MYO5B: variants seen among roughly 807,000 people sequenced by gnomAD.
MYO5B encodes unconventional myosin-Vb.
Under a neutral mutation model 229.3 loss-of-function variants are expected in MYO5B, and 143 were observed. That is an observed-to-expected ratio of 0.62 (90% CI 0.54 to 0.72). The LOEUF (loss-of-function observed/expected upper bound fraction) is 0.72, where lower values mean the gene tolerates loss of function less well. Among genes scored for constraint, MYO5B ranks in the 30% least tolerant of loss-of-function variants. The pLI, the probability that MYO5B is intolerant of heterozygous loss-of-function variation, is 0.00. For missense variants in MYO5B, 2,321 were observed against 2,331.0 expected, an observed-to-expected ratio of 1.00 and a Z score of 0.09; for synonymous variants, 918 against 885.2, an observed-to-expected ratio of 1.04 and a Z score of -0.66.
At chr18:49,974,798 GACACACAC>G (rs10680505) in intron 9 of MYO5B, among the ~76,000 whole-genome samples, 183 bp from the exon 10 acceptor site, 1 of 130,996 alleles carries the variant, frequency 7.6e-6, no homozygotes, top group African/African-American at 2.8e-5. Context: ...CACACACACA[GACACACAC>G]ACACACACAC....
At chr18:49,915,559 C>T (rs1017144507) in intron 17 of MYO5B, among the ~76,000 whole-genome samples, 5 of 152,204 alleles carry the variant, frequency 3.3e-5, no homozygotes, top group South Asian at 2.1e-4. Flanking sequence ...CTTTACTCAC[C>T]GAGCAGAAAC....
chr18:50,184,778 C>A lies in MYO5B; in HGVS notation c.27+9989G>T, dbSNP rs113322254. ...AGTGGACTGGGTGCTGTGACTCATG[C>A]CTATAATCCCAGCACTTTGGGAGGC... On this transcript the variant is annotated intron_variant, in intron 1 of 39. Coordinates refer to ENST00000285039, the MANE Select transcript of MYO5B (RefSeq NM_001080467.3). 4.5e-3 allele frequency among the ~76,000 whole-genome samples: 691 copies of A among 152,144 alleles called. 8 individuals are homozygous for A. Among genetic ancestry groups the A allele is most frequent in the African/African-American group, 0.015 (641 of 41,510 alleles).
chr18:50,081,462 G>C (rs954483699), intron 1 of MYO5B, among the ~76,000 whole-genome samples: 1 of 152,192 alleles, frequency 6.6e-6, no homozygotes, highest in Non-Finnish European at 1.5e-5. Flanking sequence ...ACCAGCTACT[G>C]TAAAGGTGGT....
chr18:49,890,648 G>A (rs144922528), intron 22 of MYO5B, among the ~76,000 whole-genome samples: 38 of 152,248 alleles, frequency 2.5e-4, no homozygotes, highest in South Asian at 1.0e-3. Context: ...AAGACCCAGC[G>A]CAAGGTTTCT....
At chr18:50,159,898 G>A (rs1199439380) in intron 1 of MYO5B, among the ~76,000 whole-genome samples, 1 of 152,218 alleles carries the variant, frequency 6.6e-6, no homozygotes, top group African/African-American at 2.4e-5. Flanking sequence ...TCAGATGGCA[G>A]GAACCCTGCT....
At chr18:50,095,195 G>T (rs61154515) in intron 1 of MYO5B, among the ~76,000 whole-genome samples, 22,163 of 152,156 alleles carry the variant, frequency 0.15, 1,695 homozygotes, top group East Asian at 0.23. Context: ...GATCTTGAGT[G>T]CAACCATTTC....
intron 1 of MYO5B, among the ~76,000 whole-genome samples, chr18:50,070,339 T>C (rs771866554): frequency 1.1e-4 from 17 of 152,126 alleles, no homozygotes; most frequent in Non-Finnish European, 2.4e-4. Flanking sequence ...TTACTCTTAA[T>C]TGGTCTTCCT....
chr18:49,954,750 C>A (rs1437810994), intron 12 of MYO5B, among the ~76,000 whole-genome samples: 3 of 152,280 alleles, frequency 2.0e-5, no homozygotes, highest in Admixed American at 2.0e-4. Context: ...TCACAGCCTG[C>A]AGGACCACCT....
chr18:49,881,795 C>T (rs1054237860), intron 22 of MYO5B, among the ~76,000 whole-genome samples: 2 of 63,496 alleles, frequency 3.1e-5, no homozygotes, highest in African/African-American at 7.1e-5. Flanking sequence ...AGTGAGACTC[C>T]GTCTCAAAAA....
intron 4 of MYO5B, among the ~76,000 whole-genome samples, chr18:50,019,391 C>T (rs373967471): frequency 5.3e-5 from 8 of 152,322 alleles, no homozygotes; most frequent in African/African-American, 1.9e-4. Flanking sequence ...CCAATCACAC[C>T]TGTGCTGCTC....
At chr18:50,064,968 C>T (rs901215236) in intron 1 of MYO5B, among the ~76,000 whole-genome samples, 4 of 152,250 alleles carry the variant, frequency 2.6e-5, no homozygotes, top group Middle Eastern at 3.4e-3. Flanking sequence ...GGAAACTGCA[C>T]CTTGTATTTG....
At chr18:49,953,085 T>C (rs1345148535) in intron 14 of MYO5B, among the ~76,000 whole-genome samples, 175 bp downstream of exon 14, 2 of 152,270 alleles carry the variant, frequency 1.3e-5, no homozygotes, top group East Asian at 1.9e-4. Flanking sequence ...ATTGGACACA[T>C]TCACAGTGGT....
intron 1 of MYO5B, among the ~76,000 whole-genome samples, chr18:50,106,326 T>C (rs888148761): frequency 6.6e-6 from 1 of 152,196 alleles, no homozygotes; most frequent in Admixed American, 6.5e-5. Context: ...CAAAGTGATA[T>C]TTCAAAAATG....
intron 1 of MYO5B, among the ~76,000 whole-genome samples, chr18:50,115,437 A>C (rs2144522688): frequency 6.6e-6 from 1 of 152,174 alleles, no homozygotes; most frequent in South Asian, 2.1e-4. Context: ...TGCATTCCTC[A>C]CTTACCAAAT....
chr18:49,995,964 T>G (rs1014317622), intron 5 of MYO5B, among the ~76,000 whole-genome samples: 8 of 152,230 alleles, frequency 5.3e-5, no homozygotes, highest in Admixed American at 2.0e-4. Flanking sequence ...AAGGCACATG[T>G]TAAACAATGT....
chr18:50,179,159 C>A (rs2033038965), intron 1 of MYO5B, among the ~76,000 whole-genome samples: 1 of 152,164 alleles, frequency 6.6e-6, no homozygotes, highest in Admixed American at 6.5e-5. Flanking sequence ...CCACCAGCCA[C>A]CACCAGAATG....
intron 39 of MYO5B, among the ~76,000 whole-genome samples, chr18:49,831,862 A>C (rs1737628174): frequency 6.6e-6 from 1 of 152,226 alleles, no homozygotes; most frequent in South Asian, 2.1e-4. Flanking sequence ...AGTTTCCATC[A>C]ACCAATGAAT....
intron 17 of MYO5B, among the ~76,000 whole-genome samples, chr18:49,928,638 A>G (rs1424034922): frequency 2.0e-5 from 3 of 152,238 alleles, no homozygotes; most frequent in African/African-American, 7.2e-5. Flanking sequence ...TACCCAGAGG[A>G]AAAGAAGTCG....
Position 49,902,674 on chromosome 18 carries a change from G to T in MYO5B, c.2731C>A (p.Arg911Ser). ...AGACGTTTCAGATGCTCTGCTGAGC[G>T]GGCCTCAATCCTGAGGGCCTTCAGC... is the stretch of plus-strand genomic sequence containing the variant. ...RELKALRIEA[R>S]SAEHLKRLNV... Residue 911 changes from arginine (R) to serine (S), a missense_variant, in exon 21 of 40, where the codon CGC becomes AGC. Arg to Ser is a moderately radical substitution (Grantham distance 110). Coordinates refer to ENST00000285039, the MANE Select transcript of MYO5B (RefSeq NM_001080467.3). The T allele has an allele frequency of 6.2e-7, 1 of 1,613,094 alleles. No individual in the cohort carries two copies.
Sources: gnomAD v4.1 joint callset for allele counts (sites outside exome capture counted in the v4.1 genomes callset) on GRCh38, gnomAD v4.1.1 for gene constraint, MANE v1.5 for transcripts, NCBI Gene and HGNC (gene_info 2026-07-23, HGNC 2026-07-21) for gene names.